HAO2: variants seen among roughly 807,000 people sequenced by gnomAD.
HAO2 encodes the protein hydroxyacid oxidase 2, also known as 2-Hydroxyacid oxidase 2.
Under a neutral mutation model 37.4 loss-of-function variants are expected in HAO2, and 42 were observed. The observed-to-expected ratio is 1.12, with a 90% CI of 0.88 to 1.45. HAO2 has a LOEUF of 1.45. Ranked by LOEUF, HAO2 falls within the 40% of genes most tolerant of loss-of-function variation. HAO2 has a pLI of 0.00. For missense variants in HAO2, 476 were observed against 430.2 expected, an observed-to-expected ratio of 1.11 and a Z score of -0.94; for synonymous variants, 180 against 162.8, an observed-to-expected ratio of 1.11 and a Z score of -0.81.
rs776787457 is a variant in HAO2, at chr1:119,381,186, C to T, written c.101C>T (p.Thr34Met). ...FIEGGADDSI[T>M]RDDNIAAFKR... Reference sequence around the variant, plus strand: ...GAAGGTGGAGCAGATGACAGCATCACGCGGGATGACAACATTGCAGCATTT... The same window carrying T: ...GAAGGTGGAGCAGATGACAGCATCATGCGGGATGACAACATTGCAGCATTT... The change falls in exon 2 of 8, where the codon ACG becomes ATG. Residue 34 changes from threonine to methionine, a missense_variant. By Grantham distance (81) the Thr-to-Met change is moderately conservative (BLOSUM62 -1). Coordinates refer to ENST00000325945, the MANE Select transcript of HAO2 (RefSeq NM_016527.4). 1.3e-5 allele frequency: 21 copies of T among 1,610,530 alleles called. No homozygotes were observed. The highest frequency in any genetic ancestry group is 2.7e-5 in the African/African-American group (2 of 74,956).
At chr1:119,390,254 G>A (rs587756306) in intron 5 of HAO2, among the ~76,000 whole-genome samples, 1 of 149,406 alleles carries the variant, frequency 6.7e-6, no homozygotes, top group African/African-American at 2.5e-5. Context: ...GGTATTATTT[G>A]GATTTATTTT....
intron 3 of HAO2, among the ~76,000 whole-genome samples, 169 bp downstream of exon 3, chr1:119,383,235 G>A (rs1430428445): frequency 6.6e-6 from 1 of 152,236 alleles, no homozygotes; most frequent in Non-Finnish European, 1.5e-5. Flanking sequence ...ACCTAAGATT[G>A]AGAAAACATT....
chr1:119,371,017 G>C (rs587746625), intron 1 of HAO2, among the ~76,000 whole-genome samples: 1 of 152,336 alleles, frequency 6.6e-6, no homozygotes, highest in African/African-American at 2.4e-5. Context: ...TTGTTGAGCA[G>C]ATGAAGAGGC....
rs746673740 is a variant in HAO2, at chr1:119,381,224, C to G, written c.131+8C>G. 6.2e-7 allele frequency: 1 copy of G among 1,601,436 alleles called. No homozygotes were observed. The highest frequency in any genetic ancestry group is 8.6e-7 in the Non-Finnish European group (1 of 1,168,534). ...CATTGCAGCATTTAAAAGGTGTGGTCTTCTGTAGCCTGTCTATTGTTAGGT... is the reference window on the plus strand; with the variant it reads ...CATTGCAGCATTTAAAAGGTGTGGTGTTCTGTAGCCTGTCTATTGTTAGGT... On this transcript the variant is annotated splice_region_variant and intron_variant, in intron 2 of 7. Coordinates refer to ENST00000325945, the MANE Select transcript of HAO2 (RefSeq NM_016527.4).
chr1:119,371,311 C>T (rs962809040), intron 1 of HAO2, among the ~76,000 whole-genome samples: 3 of 152,164 alleles, frequency 2.0e-5, no homozygotes, highest in Non-Finnish European at 2.9e-5. Context: ...TACATACACT[C>T]TCTGATTGCC....
chr1:119,381,285 T>C (rs1000639869), intron 2 of HAO2, 69 bp downstream of exon 2: 10 of 1,090,150 alleles, frequency 9.2e-6, no homozygotes, highest in African/African-American at 4.7e-5. Flanking sequence ...TGGACAGTAG[T>C]AGTCCTGGTT....
intron 1 of HAO2, among the ~76,000 whole-genome samples, chr1:119,378,689 G>A (rs1176275283): frequency 6.6e-6 from 1 of 152,188 alleles, no homozygotes; most frequent in African/African-American, 2.4e-5. Flanking sequence ...CTCTGAGTGA[G>A]CATGAGCCAT....
Position 119,386,716 on chromosome 1 carries a change from T to C in HAO2, c.656T>C (p.Ile219Thr). 3 of 1,613,104 alleles carry C rather than the reference T, an allele frequency of 1.9e-6. No individual in the cohort carries two copies. The highest frequency in any genetic ancestry group is 2.5e-6 in the Non-Finnish European group (3 of 1,179,072). The change falls in exon 5 of 8, where the codon ATC becomes ACC. Residue 219 changes from isoleucine to threonine, a missense_variant. Transcript: ENST00000325945. ...SWFQSITRLPIILKGILTKED... is the reference protein window; with the variant it reads ...SWFQSITRLPTILKGILTKED... ...TTTCAGAGCATAACTCGATTGCCCA[T>C]CATCCTGAAAGGGATTTTGACAAAA...
chr1:119,373,727 C>A (rs896760052), intron 1 of HAO2, among the ~76,000 whole-genome samples: 1 of 152,098 alleles, frequency 6.6e-6, no homozygotes, highest in Non-Finnish European at 1.5e-5. Flanking sequence ...CTAAAGAAGC[C>A]ACTCTGAAGA....
intron 1 of HAO2, among the ~76,000 whole-genome samples, chr1:119,380,338 G>T (rs1249819124): frequency 1.3e-5 from 2 of 152,144 alleles, no homozygotes; most frequent in Non-Finnish European, 2.9e-5. Flanking sequence ...GGGAATAAAT[G>T]GAGCCAACAT....
At chr1:119,381,810 A>C (rs1285642899) in intron 2 of HAO2, among the ~76,000 whole-genome samples, 5 of 152,218 alleles carry the variant, frequency 3.3e-5, no homozygotes, top group Non-Finnish European at 5.9e-5. Context: ...GTGGGGAGTC[A>C]AAAGAAGAAT....
intron 1 of HAO2, among the ~76,000 whole-genome samples, chr1:119,371,379 GTTAAGACAGATTTAAAC>G (rs1227264224): frequency 1.3e-5 from 2 of 152,338 alleles, no homozygotes; most frequent in East Asian, 3.9e-4. Context: ...TCTGTAGACT[GTTAAGACAGATTTAAAC>G]ATAAGAAGTT....
chr1:119,382,927 T>A lies in HAO2; in HGVS notation c.144T>A (p.Arg48=). The part of the protein sequence containing the change: ...NIAAFKRIRL[R]PRYLRDVSEV... ...TTGTCCGGCACAGAATTCGCCTCCG[T>A]CCGCGGTACCTGAGAGATGTGTCTG... The change falls in exon 3 of 8, where the codon CGT becomes CGA. Residue 48 remains arginine (R), a synonymous_variant. Coordinates refer to ENST00000325945, the MANE Select transcript of HAO2 (RefSeq NM_016527.4). 6.2e-7 allele frequency: 1 copy of A among 1,613,646 alleles called. No homozygotes were observed. The highest frequency in any genetic ancestry group is 8.5e-7 in the Non-Finnish European group (1 of 1,179,698).
At chr1:119,382,646 G>T (rs190825925) in intron 2 of HAO2, among the ~76,000 whole-genome samples, 5 of 152,322 alleles carry the variant, frequency 3.3e-5, no homozygotes, top group Admixed American at 6.5e-5. Flanking sequence ...ACAGAGCAAA[G>T]CAGGAATAGT....
At chr1:119,382,655 G>A (rs1419244434) in intron 2 of HAO2, among the ~76,000 whole-genome samples, 1 of 152,230 alleles carries the variant, frequency 6.6e-6, no homozygotes, top group African/African-American at 2.4e-5. Flanking sequence ...AGCAGGAATA[G>A]TGTGGACTTG....
At position 119,383,007 on chromosome 1, in the gene HAO2, T is replaced by A; in HGVS notation, c.224T>A (p.Ile75Asn). 1 of 1,613,138 alleles carries A rather than the reference T, an allele frequency of 6.2e-7. No homozygotes were observed. ...QGEEISAPIC[I>N]APTGFHCLVW... The stretch of plus-strand genomic sequence containing the variant: ...GAGGAGATCAGTGCCCCTATTTGTA[T>A]CGCACCCACAGGGTTCCACTGCCTT... The change falls in exon 3 of 8, where the codon ATC becomes AAC. Residue 75 changes from isoleucine to asparagine, a missense_variant. Ile to Asn is a moderately radical substitution (Grantham distance 149). Coordinates refer to ENST00000325945, the MANE Select transcript of HAO2 (RefSeq NM_016527.4).
At chr1:119,393,077 C>T (rs1651039252) in intron 7 of HAO2, among the ~76,000 whole-genome samples, 1 of 152,090 alleles carries the variant, frequency 6.6e-6, no homozygotes. Flanking sequence ...GTGAATAATA[C>T]ATTTTGCCAA....
chr1:119,377,737 G>A (rs1266382960), intron 1 of HAO2, among the ~76,000 whole-genome samples: 3 of 152,228 alleles, frequency 2.0e-5, no homozygotes, highest in Non-Finnish European at 4.4e-5. Flanking sequence ...AATGGCAGCA[G>A]GTAAGAGAGC....
Position 119,385,367 on chromosome 1 carries a change from G to A in HAO2, c.561+314G>A, listed in dbSNP as rs587594874. 1.0e-5 allele frequency: 10 copies of A among 983,702 alleles called. No individual in the cohort carries two copies. In the South Asian group the frequency reaches 4.7e-4, roughly 46 times the overall value. 60.9% of individuals were successfully genotyped at this position (983,702 alleles called of 1,614,324 possible). A position where few individuals can be genotyped will look rare whatever the true frequency, so the allele number is the denominator to read the frequency against. ...AAAATATTTTTGCACGAACTGGAGAGTAAACTAAAAAAGTTCATGTAACAT... is the reference window on the plus strand; with the variant it reads ...AAAATATTTTTGCACGAACTGGAGAATAAACTAAAAAAGTTCATGTAACAT... On this transcript the variant is annotated intron_variant, in intron 4 of 7. Transcript: ENST00000325945.
Sources: gnomAD v4.1 joint callset for allele counts (sites outside exome capture counted in the v4.1 genomes callset) on GRCh38, gnomAD v4.1.1 for gene constraint, MANE v1.5 for transcripts, NCBI Gene and HGNC (gene_info 2026-07-23, HGNC 2026-07-21) for gene names.